FBXL17: variants seen among roughly 807,000 people sequenced by gnomAD.
FBXL17 encodes the protein F-box and leucine rich repeat protein 17.
A neutral mutation model predicts 66.2 loss-of-function variants in FBXL17; 22 were observed. That is an observed-to-expected ratio of 0.33 (90% CI 0.24 to 0.47). The LOEUF is 0.47. Among genes scored for constraint, FBXL17 ranks in the 20% least tolerant of loss-of-function variants. FBXL17 has a pLI of 1.00. For synonymous variants in FBXL17, 474 were observed against 400.5 expected, an observed-to-expected ratio of 1.18 and a Z score of -2.19; for missense variants, 878 against 948.2, an observed-to-expected ratio of 0.93 and a Z score of 0.97.
At chr5:107,947,722 A>T (rs1371684146) in intron 7 of FBXL17, among the ~76,000 whole-genome samples, 1 of 152,192 alleles carries the variant, frequency 6.6e-6, no homozygotes, top group Non-Finnish European at 1.5e-5. Flanking sequence ...AGTGGAAAGA[A>T]CCCTAGACTG....
chr5:107,942,777 GAA>G (rs35874392), intron 7 of FBXL17, among the ~76,000 whole-genome samples: 45,203 of 146,380 alleles, frequency 0.31, 7,180 homozygotes, highest in African/African-American at 0.38. Context: ...TTCTTGAAAA[GAA>G]AAAAAAAAAA....
At chr5:107,969,445 A>G (rs534036492) in intron 7 of FBXL17, among the ~76,000 whole-genome samples, 14 of 152,372 alleles carry the variant, frequency 9.2e-5, no homozygotes, top group African/African-American at 3.1e-4. Flanking sequence ...ACCCATTTAT[A>G]TAGAACACCC....
intron 7 of FBXL17, among the ~76,000 whole-genome samples, chr5:107,983,429 A>G (rs1752899270): frequency 6.6e-6 from 1 of 151,904 alleles, no homozygotes; most frequent in Admixed American, 6.6e-5. Context: ...CCTGAGCTCA[A>G]GTGATCCTCC....
At chr5:108,186,373 C>A in intron 5 of FBXL17, 126 bp from the exon 6 acceptor site, 6 of 685,152 alleles carry the variant, frequency 8.8e-6, no homozygotes, top group Non-Finnish European at 1.4e-5. Flanking sequence ...AGGCTAGAAT[C>A]TTTTAATTAA....
At chr5:108,022,826 G>C (rs563713425) in intron 6 of FBXL17, among the ~76,000 whole-genome samples, 1 of 151,974 alleles carries the variant, frequency 6.6e-6, no homozygotes, top group Non-Finnish European at 1.5e-5. Context: ...TAGTACATAA[G>C]CAACAAGAAC....
At chr5:108,343,077 T>C (rs1333124456) in intron 4 of FBXL17, among the ~76,000 whole-genome samples, 1 of 152,180 alleles carries the variant, frequency 6.6e-6, no homozygotes, top group Non-Finnish European at 1.5e-5. Flanking sequence ...GGAGAAGGTG[T>C]CTATAAACTA....
chr5:107,921,215 A>G (rs1750307536), intron 7 of FBXL17, among the ~76,000 whole-genome samples: 1 of 152,220 alleles, frequency 6.6e-6, no homozygotes, highest in African/African-American at 2.4e-5. Context: ...ATTTCCAACC[A>G]GTGGAAAAGT....
intron 6 of FBXL17, among the ~76,000 whole-genome samples, chr5:108,056,783 T>C (rs1747725582): frequency 1.3e-5 from 2 of 152,212 alleles, no homozygotes; most frequent in African/African-American, 4.8e-5. Context: ...TTTAAGCACA[T>C]CTTAGATGGG....
chr5:108,192,590 G>C (rs943614034), intron 5 of FBXL17, among the ~76,000 whole-genome samples: 8 of 152,068 alleles, frequency 5.3e-5, no homozygotes, highest in African/African-American at 1.9e-4. Flanking sequence ...TCAGGAGTTC[G>C]AGACCAGCCT....
At chr5:108,331,032 G>A (rs147841833) in intron 4 of FBXL17, among the ~76,000 whole-genome samples, 2,300 of 152,040 alleles carry the variant, frequency 0.015, 66 homozygotes, top group African/African-American at 0.051. Flanking sequence ...CAGCCTGGGC[G>A]ACAGAGCAAG....
chr5:107,868,374 G>T (rs1748344354), intron 8 of FBXL17, among the ~76,000 whole-genome samples: 1 of 152,190 alleles, frequency 6.6e-6, no homozygotes, highest in African/African-American at 2.4e-5. Context: ...TTCAAAATGG[G>T]TGCTCTAAAT....
At chr5:107,916,117 C>T (rs1340846574) in intron 7 of FBXL17, among the ~76,000 whole-genome samples, 3 of 152,196 alleles carry the variant, frequency 2.0e-5, no homozygotes, top group African/African-American at 7.2e-5. Flanking sequence ...CACTGCTAGG[C>T]AGTGTACATG....
intron 4 of FBXL17, among the ~76,000 whole-genome samples, chr5:108,238,870 A>G (rs1755726291): frequency 2.0e-5 from 3 of 152,206 alleles, no homozygotes; most frequent in Non-Finnish European, 2.9e-5. Flanking sequence ...AAAGCAGCCA[A>G]ACACATGACT....
At chr5:108,308,240 A>G (rs1374489848) in intron 4 of FBXL17, among the ~76,000 whole-genome samples, 1 of 152,164 alleles carries the variant, frequency 6.6e-6, no homozygotes, top group Non-Finnish European at 1.5e-5. Flanking sequence ...AGTAAAAATA[A>G]TAGTAGTAGA....
At chr5:107,999,452 A>AACACACACACAC (rs55900474) in intron 7 of FBXL17, among the ~76,000 whole-genome samples, 1 of 144,436 alleles carries the variant, frequency 6.9e-6, no homozygotes, top group African/African-American at 2.6e-5. Flanking sequence ...TTTTGTCAGA[A>AACACACACACAC]ACACACACAC....
intron 4 of FBXL17, among the ~76,000 whole-genome samples, chr5:108,300,440 AATAAAT>A (rs1182859881): frequency 1.3e-4 from 19 of 151,902 alleles, no homozygotes; most frequent in Admixed American, 1.3e-3. Context: ...TGCTTCCAGA[AATAAAT>A]ATAATAGTTG....
intron 6 of FBXL17, among the ~76,000 whole-genome samples, chr5:108,024,474 A>G (rs141606440): frequency 1.2e-3 from 176 of 152,308 alleles, no homozygotes; most frequent in African/African-American, 4.0e-3. Context: ...AGATAACTCC[A>G]TATGAAAAAG....
chr5:107,871,847 G>C (rs1326302661), intron 8 of FBXL17, among the ~76,000 whole-genome samples: 1 of 152,060 alleles, frequency 6.6e-6, no homozygotes, highest in Non-Finnish European at 1.5e-5. Context: ...ACACATCTGG[G>C]TATTTCTAAA....
intron 7 of FBXL17, among the ~76,000 whole-genome samples, chr5:107,889,914 A>G (rs1749136620): frequency 6.6e-6 from 1 of 152,190 alleles, no homozygotes; most frequent in South Asian, 2.1e-4. Context: ...TAGAACTAAC[A>G]TATATTTAAC....
Sources: allele counts gnomAD v4.1 joint callset (sites outside exome capture counted in the v4.1 genomes callset), GRCh38; gene constraint gnomAD v4.1.1; transcripts MANE v1.5; gene names NCBI Gene and HGNC (gene_info 2026-07-23, HGNC 2026-07-21).